The following SYT16 variants were observed in gnomAD, a reference collection of about 807,000 sequenced individuals.
The protein encoded by SYT16 is synaptotagmin 16, also known as synaptotagmin-16.
In SYT16, 42 loss-of-function variants were observed where a neutral mutation model predicts 61.4. The observed-to-expected ratio is 0.68, with a 90% CI of 0.53 to 0.89. The LOEUF (loss-of-function observed/expected upper bound fraction) is 0.89. Ranked by LOEUF, SYT16 falls within the 40% of genes least tolerant of loss-of-function variation. The pLI, the probability that SYT16 is intolerant of heterozygous loss-of-function variation, is 0.00. For synonymous variants in SYT16, 314 were observed against 302.3 expected (o/e 1.04, Z -0.40); for missense variants, 804 against 807.3 (o/e 1.00, Z 0.05).
intron 2 of SYT16, 30 bp downstream of exon 2, chr14:61,970,341 C>T (rs1267674141): frequency 6.6e-6 from 1 of 152,224 alleles, no homozygotes; most frequent in Non-Finnish European, 1.5e-5. Context: ...TTCTCCTGGG[C>T]TTGGCAACTT....
intron 3 of SYT16, among the ~76,000 whole-genome samples, chr14:62,010,018 C>A (rs1007402286): frequency 6.6e-6 from 1 of 151,922 alleles, no homozygotes; most frequent in Non-Finnish European, 1.5e-5. Flanking sequence ...ACCTGTGAAA[C>A]CAATACCCTG....
chr14:62,101,967 C>T lies in SYT16; in HGVS notation c.*1260C>T, dbSNP rs2057428589. ...GCAGTGCATGTTTACTTTCCTTATT[C>T]ATAGGTCTGGGCCCTTAATTTCAAT... On this transcript the variant is annotated 3_prime_UTR_variant, in exon 8 of 8. Coordinates refer to ENST00000683842, the MANE Select transcript of SYT16 (RefSeq NM_001367656.1). 6.6e-6 allele frequency: 1 copy of T among 152,150 alleles called. No homozygotes were observed. Among genetic ancestry groups the T allele is most frequent in the Admixed American group, 6.5e-5 (1 of 15,280 alleles). 9.4% of individuals were successfully genotyped at this position (152,150 alleles called of 1,614,324 possible). A position where few individuals can be genotyped will look rare whatever the true frequency, so the allele number is the denominator to read the frequency against.
chr14:61,889,602 CTCTG>C (rs940424645), intron 1 of SYT16, among the ~76,000 whole-genome samples: 10 of 152,006 alleles, frequency 6.6e-5, no homozygotes, highest in African/African-American at 2.2e-4. Context: ...CTCTCTCTCT[CTCTG>C]TCTCCCTCCC....
intron 1 of SYT16, among the ~76,000 whole-genome samples, chr14:61,937,498 T>A (rs1014690141): frequency 1.3e-5 from 2 of 152,238 alleles, no homozygotes; most frequent in Non-Finnish European, 2.9e-5. Flanking sequence ...CAATCTCCAC[T>A]GCTCCTCTGC....
chr14:62,065,253 TGCTAC>T (rs1320706295), intron 3 of SYT16, among the ~76,000 whole-genome samples: 1 of 152,216 alleles, frequency 6.6e-6, no homozygotes, highest in Non-Finnish European at 1.5e-5. Context: ...GGGACATAGA[TGCTAC>T]GCTTAAGTCC....
At chr14:61,944,878 A>G (rs1432439348) in intron 1 of SYT16, among the ~76,000 whole-genome samples, 1 of 152,240 alleles carries the variant, frequency 6.6e-6, no homozygotes, top group Non-Finnish European at 1.5e-5. Context: ...AAAAACCAAA[A>G]TAAACAAATG....
At chr14:62,095,042 A>G (rs1159816945) in intron 7 of SYT16, among the ~76,000 whole-genome samples, 1 of 151,940 alleles carries the variant, frequency 6.6e-6, no homozygotes, top group African/African-American at 2.4e-5. Flanking sequence ...AACCTTACTG[A>G]TAAGAGACTA....
At chr14:62,011,325 G>A (rs886142511) in intron 3 of SYT16, among the ~76,000 whole-genome samples, 7 of 151,942 alleles carry the variant, frequency 4.6e-5, no homozygotes, top group Admixed American at 2.0e-4. Flanking sequence ...TCCATGTGTG[G>A]TCAGATGGTT....
At chr14:61,874,381 T>C (rs2047422012) in intron 1 of SYT16, among the ~76,000 whole-genome samples, 1 of 152,198 alleles carries the variant, frequency 6.6e-6, no homozygotes, top group East Asian at 1.9e-4. Flanking sequence ...ACTTTTTGTA[T>C]GAGTGGGTTC....
intron 1 of SYT16, among the ~76,000 whole-genome samples, chr14:61,867,145 C>T (rs2047182378): frequency 6.6e-6 from 1 of 151,912 alleles, no homozygotes; most frequent in Non-Finnish European, 1.5e-5. Flanking sequence ...GCTTTGATTA[C>T]TGTAGCTTTA....
intron 2 of SYT16, among the ~76,000 whole-genome samples, chr14:61,990,421 G>A (rs1298506707): frequency 6.6e-6 from 1 of 152,160 alleles, no homozygotes; most frequent in African/African-American, 2.4e-5. Context: ...GGTGAAGAAT[G>A]AGAAGAGTAT....
chr14:61,905,621 G>A (rs931372410), intron 1 of SYT16, among the ~76,000 whole-genome samples: 15 of 152,136 alleles, frequency 9.9e-5, no homozygotes, highest in African/African-American at 3.1e-4. Flanking sequence ...ACACCTGCTA[G>A]CTGACTGTCC....
chr14:62,031,992 C>G (rs117750144), intron 3 of SYT16, among the ~76,000 whole-genome samples: 4,458 of 152,138 alleles, frequency 0.029, 114 homozygotes, highest in Non-Finnish European at 0.045. Flanking sequence ...AATTTGCAGA[C>G]TATAAAAATG....
At chr14:61,849,352 A>G (rs911787973) in intron 1 of SYT16, among the ~76,000 whole-genome samples, 1 of 152,078 alleles carries the variant, frequency 6.6e-6, no homozygotes, top group Non-Finnish European at 1.5e-5. Context: ...GTGTCCCCCA[A>G]AATCCACTGG....
At chr14:61,938,871 A>G (rs934445912) in intron 1 of SYT16, among the ~76,000 whole-genome samples, 12 of 152,238 alleles carry the variant, frequency 7.9e-5, no homozygotes, top group Admixed American at 1.3e-4. Flanking sequence ...GCGGTGGCTC[A>G]CGCCTGTAAT....
At chr14:62,072,781 G>A (rs1181901479) in intron 4 of SYT16, among the ~76,000 whole-genome samples, 1 of 152,144 alleles carries the variant, frequency 6.6e-6, no homozygotes, top group Non-Finnish European at 1.5e-5. Flanking sequence ...TTGTATTTGG[G>A]TGGTGATCGG....
intron 1 of SYT16, among the ~76,000 whole-genome samples, chr14:61,840,262 G>C (rs1408187159): frequency 6.6e-6 from 1 of 152,196 alleles, no homozygotes; most frequent in African/African-American, 2.4e-5. Context: ...TTCTGGATAG[G>C]GAGGCAAGGT....
chr14:61,959,850 G>A (rs2051043406), intron 1 of SYT16, among the ~76,000 whole-genome samples: 1 of 152,048 alleles, frequency 6.6e-6, no homozygotes, highest in African/African-American at 2.4e-5. Flanking sequence ...GGGCTCGGGG[G>A]ACAGGGTTTC....
chr14:62,056,804 T>G lies in SYT16; in HGVS notation c.524-12799T>G, dbSNP rs190770088. Among the ~76,000 whole-genome samples the G allele has an allele frequency of 4.2e-3, 643 of 152,326 alleles. 5 individuals carry two copies. The highest frequency in any genetic ancestry group is 0.015 in the African/African-American group (614 of 41,566). On this transcript the variant is annotated intron_variant, in intron 3 of 7. Transcript: ENST00000683842. ...TCTCTTGCAAGCAGTTGCTTTGCAC[T>G]GGAGGCAATGAAGACACGGCGGAGT...
Sources: allele counts gnomAD v4.1 joint callset (sites outside exome capture counted in the v4.1 genomes callset), GRCh38; gene constraint gnomAD v4.1.1; transcripts MANE v1.5; gene names NCBI Gene and HGNC (gene_info 2026-07-23, HGNC 2026-07-21).